NUDT11: variants seen among roughly 807,000 people sequenced by gnomAD.
The protein encoded by NUDT11 is nudix hydrolase 11.
In NUDT11, 1 loss-of-function variant was observed where a neutral mutation model predicts 10.0. The observed-to-expected ratio is 0.10, with a 90% CI of 0.04 to 0.47. The LOEUF (loss-of-function observed/expected upper bound fraction) is 0.47. Among genes scored for constraint, NUDT11 ranks in the 20% least tolerant of loss-of-function variants. The probability of loss-of-function intolerance (pLI) is 0.96; values close to 1 mark genes in which losing one functional copy is unlikely to be tolerated. For synonymous variants in NUDT11, 63 were observed against 65.9 expected, an observed-to-expected ratio of 0.96 and a Z score of 0.21; for missense variants, 47 against 140.4, an observed-to-expected ratio of 0.33 and a Z score of 3.36.
Position 51,495,919 on chromosome X carries a change from T to C in NUDT11, c.494+32A>G, listed in dbSNP as rs782142203. ...ACGCATTTTAAGCGAGGCAGACAAA[T>C]AGAAGTCTGCGCGAGCGCAAGCGGT... is the stretch of plus-strand genomic sequence containing the variant. On this transcript the variant is annotated intron_variant, in intron 1 of 1. Transcript: ENST00000375992. 1.6e-4 allele frequency: 192 copies of C among 1,203,565 alleles called. No homozygotes were observed. In the East Asian group the frequency reaches 2.1e-3, roughly 13 times the overall value.
In NUDT11 at chrX:51,495,959, G is replaced by A. The variant is rs1407186623; in HGVS notation, c.486C>T (p.Ser162=). 2.5e-6 allele frequency: 3 copies of A among 1,206,099 alleles called. No homozygotes were observed. The Admixed American group carries it at 6.6e-5, about 26-fold the overall frequency. Reference sequence around the variant, plus strand: ...GCGCAAGCGGTACATACTAGGGATCGCTATCTGGCGAGGATGGGGCCATGG... The same window carrying A: ...GCGCAAGCGGTACATACTAGGGATCACTATCTGGCGAGGATGGGGCCATGG... ...GNSMAPSSPD[S]DP Residue 162 remains serine (S), a synonymous_variant, in exon 1 of 2, where the codon AGC becomes AGT. Coordinates refer to ENST00000375992, the MANE Select transcript of NUDT11 (RefSeq NM_018159.4).
chrX:51,490,287 AC>A lies in NUDT11; in HGVS notation c.*1461del, dbSNP rs781932535. ...ACAGTACCATATCACATCTTAAAAA[AC>A]AATAAATCAAGAAGTTATATTTTTA... On this transcript the variant is annotated 3_prime_UTR_variant, in exon 2 of 2. Coordinates refer to ENST00000375992, the MANE Select transcript of NUDT11 (RefSeq NM_018159.4). 1.8e-5 allele frequency: 2 copies of A among 112,165 alleles called. No individual in the cohort carries two copies. Among genetic ancestry groups the A allele is most frequent in the African/African-American group, 6.5e-5 (2 of 30,931 alleles). The allele number at this position is 112,165 out of a possible 1,213,427, so 9.2% of individuals were successfully genotyped here.
chrX:51,494,472 T>C (rs1925658908), intron 1 of NUDT11, among the ~76,000 whole-genome samples: 1 of 112,313 alleles, frequency 8.9e-6, no homozygotes, highest in South Asian at 3.7e-4. Flanking sequence ...TTCAAAACAG[T>C]GGCACCATAT....
At position 51,496,584 on chromosome X, in the gene NUDT11, C is replaced by T. The variant is rs1173130158; in HGVS notation, c.-140G>A. The T allele has an allele frequency of 3.9e-5, 39 of 1,011,483 alleles. No individual in the cohort carries two copies. Among genetic ancestry groups the T allele is most frequent in the Non-Finnish European group, 5.0e-5 (38 of 765,760 alleles). 83.4% of individuals were successfully genotyped at this position (1,011,483 alleles called of 1,213,427 possible). Reference sequence around the variant, plus strand: ...GGCGAGGGGCGGGGAAAGAGAGGCGCCTCCGTCTGCCCGCGAGCCCGGGGA... The same window carrying T: ...GGCGAGGGGCGGGGAAAGAGAGGCGTCTCCGTCTGCCCGCGAGCCCGGGGA... On this transcript the variant is annotated 5_prime_UTR_variant, in exon 1 of 2. Coordinates refer to ENST00000375992, the MANE Select transcript of NUDT11 (RefSeq NM_018159.4).
In NUDT11 at chrX:51,496,376, C is replaced by T. The variant is rs61729272; in HGVS notation, c.69G>A (p.Leu23=). ...PEGFKKRAAC[L]CFRSEREDEV... The stretch of plus-strand genomic sequence containing the variant: ...CGTCCTCGCGTTCGCTCCGGAAGCA[C>T]AGGCACGCCGCCCGCTTCTTGAACC... The change falls in exon 1 of 2, where the codon CTG becomes CTA. Residue 23 remains leucine (L), a synonymous_variant. Coordinates refer to ENST00000375992, the MANE Select transcript of NUDT11 (RefSeq NM_018159.4). The T allele has an allele frequency of 2.8e-3, 3,412 of 1,207,342 alleles. 66 individuals are homozygous for T. In the African/African-American group the frequency reaches 0.051, roughly 18 times the overall value.
At chrX:51,491,904 G>A (rs1925602351) in intron 1 of NUDT11, among the ~76,000 whole-genome samples, 155 bp from the exon 2 acceptor site, 1 of 112,361 alleles carries the variant, frequency 8.9e-6, no homozygotes, top group African/African-American at 3.2e-5. Context: ...AATGAGTCTG[G>A]ATCAGCAACT....
Position 51,496,115 on chromosome X carries a change from C to A in NUDT11, c.330G>T (p.Ser110=). The A allele has an allele frequency of 8.3e-7, 1 of 1,211,622 alleles. No homozygotes were observed. The highest frequency in any genetic ancestry group is 1.1e-6 in the Non-Finnish European group (1 of 895,315). The change falls in exon 1 of 2, where the codon TCG becomes TCT. Residue 110 remains serine, a synonymous_variant. Transcript: ENST00000375992. ...VTELLEDWED[S]VSIGRKREWF... ...ACTCTCGCTTCCTCCCAATGCTAACCGAATCTTCCCAATCCTCCAGCAGCT... is the reference window on the plus strand; with the variant it reads ...ACTCTCGCTTCCTCCCAATGCTAACAGAATCTTCCCAATCCTCCAGCAGCT...
Position 51,491,719 on chromosome X carries a change from C to T in NUDT11, c.*30G>A, listed in dbSNP as rs1480435869. The T allele has an allele frequency of 1.8e-6, 1 of 568,797 alleles. No individual in the cohort carries two copies. The highest frequency in any genetic ancestry group is 3.2e-6 in the Non-Finnish European group (1 of 309,030). 46.9% of individuals were successfully genotyped at this position (568,797 alleles called of 1,213,427 possible). ...ACTGGGTTCACATCAATGTTTCTTT[C>T]AGCACAATACTGAACATCTTTGCTG... On this transcript the variant is annotated 3_prime_UTR_variant, in exon 2 of 2. Coordinates refer to ENST00000375992, the MANE Select transcript of NUDT11 (RefSeq NM_018159.4).
intron 1 of NUDT11, among the ~76,000 whole-genome samples, chrX:51,494,664 T>C (rs1925663153): frequency 9.1e-6 from 1 of 110,210 alleles, no homozygotes; most frequent in Admixed American, 9.6e-5. Context: ...AACTTTTCTA[T>C]GGTATTAAAA....
At position 51,490,889 on chromosome X, in the gene NUDT11, C is replaced by G. The variant is rs1194288205; in HGVS notation, c.*860G>C. Reference sequence around the variant, plus strand: ...CATCAAATAATACAGTATGTTAAATCTGTAAAATGAGGAAACAGTGTTTCC... The same window carrying G: ...CATCAAATAATACAGTATGTTAAATGTGTAAAATGAGGAAACAGTGTTTCC... On this transcript the variant is annotated 3_prime_UTR_variant, in exon 2 of 2. Coordinates refer to ENST00000375992, the MANE Select transcript of NUDT11 (RefSeq NM_018159.4). 4.5e-5 allele frequency: 5 copies of G among 112,022 alleles called. No individual in the cohort carries two copies. Among genetic ancestry groups the G allele is most frequent in the Admixed American group, 2.8e-4 (3 of 10,573 alleles). The allele number at this position is 112,022 out of a possible 1,213,427, so 9.2% of individuals were successfully genotyped here.
chrX:51,495,858 G>T, intron 1 of NUDT11, 93 bp downstream of exon 1: 1 of 1,134,467 alleles, frequency 8.8e-7, no homozygotes, highest in Admixed American at 2.7e-5. Flanking sequence ...TCCTCCCCGT[G>T]AGACCGCACA....
chrX:51,492,340 T>C (rs1016646500), intron 1 of NUDT11, among the ~76,000 whole-genome samples: 4 of 110,799 alleles, frequency 3.6e-5, no homozygotes, highest in Non-Finnish European at 7.6e-5. Flanking sequence ...AAACCCCCAA[T>C]GTAGTTTCTA....
Position 51,490,677 on chromosome X carries a change from G to GC in NUDT11, c.*1071dup, listed in dbSNP as rs1925574470. On this transcript the variant is annotated 3_prime_UTR_variant, in exon 2 of 2. Transcript: ENST00000375992. ...GCCTTTTCTAAATGACAACAATTTT[G>GC]CCCTCTCTCAGCCCTCTGCATTCTC... 1.8e-5 allele frequency: 2 copies of GC among 111,662 alleles called. No homozygotes were observed. Among genetic ancestry groups the GC allele is most frequent in the African/African-American group, 6.5e-5 (2 of 30,691 alleles). 9.2% of individuals were successfully genotyped at this position (111,662 alleles called of 1,213,427 possible).
At chrX:51,495,508 G>A (rs1281206100) in intron 1 of NUDT11, among the ~76,000 whole-genome samples, 1 of 111,634 alleles carries the variant, frequency 9.0e-6, no homozygotes, top group Non-Finnish European at 1.9e-5. Flanking sequence ...CAAACCACAA[G>A]GCTGGTATCA....
At chrX:51,495,867 C>T (rs1925691488) in intron 1 of NUDT11, 84 bp downstream of exon 1, 5 of 1,152,806 alleles carry the variant, frequency 4.3e-6, no homozygotes, top group Non-Finnish European at 4.6e-6. Context: ...TGAGACCGCA[C>T]ATGGCACGAG....
chrX:51,495,799 T>A, intron 1 of NUDT11, 152 bp downstream of exon 1: 1 of 887,016 alleles, frequency 1.1e-6, no homozygotes, highest in Non-Finnish European at 1.5e-6. Flanking sequence ...CTGAGACAGT[T>A]TGCAAGCGTG....
intron 1 of NUDT11, 93 bp downstream of exon 1, chrX:51,495,858 G>A: frequency 5.3e-6 from 6 of 1,134,473 alleles, no homozygotes; most frequent in Non-Finnish European, 7.0e-6. Context: ...TCCTCCCCGT[G>A]AGACCGCACA....
intron 1 of NUDT11, among the ~76,000 whole-genome samples, chrX:51,495,119 T>C (rs1464914528): frequency 7.1e-5 from 8 of 112,040 alleles, no homozygotes; most frequent in Middle Eastern, 4.6e-3. Context: ...TAGCAGATCC[T>C]CCGCAGCATC....
In NUDT11 at chrX:51,496,561, C is replaced by T. The variant is rs1390616961; in HGVS notation, c.-117G>A. 2 of 1,088,595 alleles carry T rather than the reference C, an allele frequency of 1.8e-6. No homozygotes were observed. Among genetic ancestry groups the T allele is most frequent in the Non-Finnish European group, 2.4e-6 (2 of 826,458 alleles). The allele number at this position is 1,088,595 out of a possible 1,213,427, so 89.7% of individuals were successfully genotyped here. A position where few individuals can be genotyped will look rare whatever the true frequency, so the allele number is the denominator to read the frequency against. ...GTGCTGGGAAGAGAAAGGGCCGAGG[C>T]GAGGGGCGGGGAAAGAGAGGCGCCT... is the stretch of plus-strand genomic sequence containing the variant. On this transcript the variant is annotated 5_prime_UTR_variant, in exon 1 of 2. Coordinates refer to ENST00000375992, the MANE Select transcript of NUDT11 (RefSeq NM_018159.4).
Sources: allele counts gnomAD v4.1 joint callset (sites outside exome capture counted in the v4.1 genomes callset), GRCh38; gene constraint gnomAD v4.1.1; transcripts MANE v1.5; gene names NCBI Gene and HGNC (gene_info 2026-07-23, HGNC 2026-07-21).